The following SLC4A2 variants were observed in gnomAD, a reference collection of about 807,000 sequenced individuals.
SLC4A2 encodes the protein solute carrier family 4 member 2.
Under a neutral mutation model 115.0 loss-of-function variants are expected in SLC4A2, and 36 were observed. That is an observed-to-expected ratio of 0.31 (90% confidence interval 0.24 to 0.41). SLC4A2 has a LOEUF of 0.41. Ranked by LOEUF, SLC4A2 falls within the 10% of genes least tolerant of loss-of-function variation. SLC4A2 has a pLI of 1.00. For synonymous variants in SLC4A2, 708 were observed against 708.3 expected (o/e 1.00, Z 0.01); for missense variants, 1,252 against 1,705.6 (o/e 0.73, Z 4.68).
upstream of SLC4A2, chr7:151,058,668 T>C (rs1046458753): frequency 3.3e-5 from 5 of 152,244 alleles, no homozygotes; most frequent in African/African-American, 1.2e-4. Context: ...GACCCCAGTC[T>C]CCGGAACAGG....
chr7:151,067,706 G>A (rs34673220), intron 7 of SLC4A2, among the ~76,000 whole-genome samples, 168 bp from the exon 8 acceptor site: 177 of 152,320 alleles, frequency 1.2e-3, no homozygotes, highest in African/African-American at 4.0e-3. Context: ...TGGTTAGTCA[G>A]TTGTCCAGGG....
intron 2 of SLC4A2, among the ~76,000 whole-genome samples, chr7:151,063,360 C>A (rs899892411): frequency 1.3e-5 from 2 of 152,126 alleles, no homozygotes; most frequent in East Asian, 3.9e-4. Context: ...TTAGCTTGGG[C>A]GCCGCCAGAA....
At position 151,075,399 on chromosome 7, in the gene SLC4A2, C is replaced by T. The variant is rs17852577; in HGVS notation, c.3192C>T (p.His1064=). The change falls in exon 20 of 23, where the codon CAC becomes CAT. Residue 1064 remains histidine (H), a synonymous_variant. Coordinates refer to ENST00000413384, the MANE Select transcript of SLC4A2 (RefSeq NM_003040.4). ...LAAATVRSVT[H]ANALTVMSKA... ...CTGCCACTGTCCGCTCTGTCACTCA[C>T]GCCAACGCGCTCACTGTCATGAGCA... 79 of 1,609,800 alleles carry T rather than the reference C, an allele frequency of 4.9e-5. 1 individual carries two copies. The South Asian group carries it at 5.5e-4, about 11-fold the overall frequency.
chr7:151,076,373 ACCGAGGGACAG>A lies in SLC4A2; in HGVS notation c.*16_*26del, dbSNP rs761858664. The A allele has an allele frequency of 6.7e-5, 100 of 1,488,580 alleles. No homozygotes were observed. In the Middle Eastern group the frequency reaches 1.5e-3, roughly 22 times the overall value. 92.2% of individuals were successfully genotyped at this position (1,488,580 alleles called of 1,614,324 possible). A position where few individuals can be genotyped will look rare whatever the true frequency, so the allele number is the denominator to read the frequency against. On this transcript the variant is annotated 3_prime_UTR_variant, in exon 23 of 23. Transcript: ENST00000413384. ...AGATGCCCATGCCTGTGTAGCCGCC[ACCGAGGGACAG>A]CCGAGGGACCGATGGACGAGGGGAC...
rs1797398912 is a variant in SLC4A2, at chr7:151,070,560, T to C, written c.1553T>C (p.Val518Ala). Residue 518 changes from valine (V) to alanine (A), a missense_variant, in exon 11 of 23, where the codon GTG (valine) becomes GCG (alanine). Around this residue, in one of 14 missense-constraint regions of SLC4A2, gnomAD observed 87 missense variants for 170.3 expected, o/e 0.51. Coordinates refer to ENST00000413384, the MANE Select transcript of SLC4A2 (RefSeq NM_003040.4). ...EKIPENAEAT[V>A]VLVGCVEFLS... ...ATTCCTGAGAATGCCGAGGCCACGG[T>C]GGTCCTTGTGGGTATGTGGGGCAGG... 1 of 1,613,242 alleles carries C rather than the reference T, an allele frequency of 6.2e-7. No individual in the cohort carries two copies. Among genetic ancestry groups the C allele is most frequent in the Non-Finnish European group, 8.5e-7 (1 of 1,179,692 alleles).
chr7:151,075,912 CA>C (rs1358588960), intron 21 of SLC4A2, 100 bp from the exon 22 acceptor site: 49 of 1,440,300 alleles, frequency 3.4e-5, no homozygotes, highest in Non-Finnish European at 4.6e-5. Flanking sequence ...CCAGCTCTGG[CA>C]CCTAGGAATG....
In SLC4A2 at chr7:151,061,918, C is replaced by A. The variant is rs1044448402; in HGVS notation, c.-63-7C>A. The stretch of plus-strand genomic sequence containing the variant: ...CTCGATGGTGATCAGGCCTCTCCCC[C>A]ATCCAGGTTATGCCTCCGCCTCGTT... On this transcript the variant is annotated splice_polypyrimidine_tract_variant and splice_region_variant and intron_variant, in intron 1 of 22. Coordinates refer to ENST00000413384, the MANE Select transcript of SLC4A2 (RefSeq NM_003040.4). 1.4e-6 allele frequency: 2 copies of A among 1,422,386 alleles called. No individual in the cohort carries two copies. The highest frequency in any genetic ancestry group is 1.4e-5 in the African/African-American group (1 of 71,320). The allele number at this position is 1,422,386 out of a possible 1,614,324, so 88.1% of individuals were successfully genotyped here.
At chr7:151,067,786 G>T (rs1483546686) in intron 7 of SLC4A2, 88 bp from the exon 8 acceptor site, 3 of 1,143,540 alleles carry the variant, frequency 2.6e-6, no homozygotes, top group Non-Finnish European at 3.8e-6. Context: ...GGGTCACTTG[G>T]CTCCCTCTGA....
chr7:151,065,722 C>T lies in SLC4A2; in HGVS notation c.578+756C>T, dbSNP rs36125256. Among the ~76,000 whole-genome samples, 187 of 152,270 alleles carry T rather than the reference C, an allele frequency of 1.2e-3. 1 individual carries two copies. Among genetic ancestry groups the T allele is most frequent in the South Asian group, 6.4e-3 (31 of 4,824 alleles). ...CGGCGGGTTACAGCGGCCTTAGGGG[C>T]GCCAGGATGGCAGGGAGGAGGCTGG... On this transcript the variant is annotated intron_variant, in intron 5 of 22. Transcript: ENST00000413384.
chr7:151,075,086 C>A, intron 19 of SLC4A2, 169 bp from the exon 20 acceptor site: 2 of 1,063,462 alleles, frequency 1.9e-6, no homozygotes, highest in Non-Finnish European at 2.8e-6. Context: ...ACGATAAGGG[C>A]TGGGGGCCCA....
At chr7:151,068,138 G>A (rs751309276) in intron 8 of SLC4A2, 84 bp downstream of exon 8, 39 of 1,108,434 alleles carry the variant, frequency 3.5e-5, no homozygotes, top group South Asian at 1.6e-4. Context: ...TGAGCCCCAC[G>A]TTGTGTGACA....
intron 8 of SLC4A2, among the ~76,000 whole-genome samples, chr7:151,069,140 C>CAAAACAAAAA (rs1797338250): frequency 2.4e-5 from 1 of 40,950 alleles, no homozygotes; most frequent in African/African-American, 9.8e-5. Flanking sequence ...CTCTTATCAC[C>CAAAACAAAAA]AAAAAAAAAA....
chr7:151,065,601 C>T (rs748429001), intron 5 of SLC4A2, among the ~76,000 whole-genome samples: 89 of 152,302 alleles, frequency 5.8e-4, no homozygotes, highest in Non-Finnish European at 1.1e-3. Flanking sequence ...CTGTTGTTTT[C>T]TGGGTGCCAG....
At chr7:151,074,569 A>C (rs1438100656) in intron 18 of SLC4A2, 81 bp downstream of exon 18, 15 of 1,591,492 alleles carry the variant, frequency 9.4e-6, no homozygotes, top group Non-Finnish European at 1.2e-5. Flanking sequence ...CTCCAAACCC[A>C]GCCTGTCCTT....
At chr7:151,070,147 C>A in intron 9 of SLC4A2, 34 bp from the exon 10 acceptor site, 1 of 1,614,024 alleles carries the variant, frequency 6.2e-7, no homozygotes, top group Non-Finnish European at 8.5e-7. Context: ...TTGTCATTGA[C>A]CCTCCTTTGC....
rs182549949 is a variant in SLC4A2, at chr7:151,064,942, G to A, written c.554G>A (p.Arg185Gln). ...APLPHQEATP[R>Q]ASKGAQAGTQ... ...CTGCCCCACCAGGAGGCGACTCCTC[G>A]GGCCTCCAAAGGGGCCCAGGCTGGG... is the stretch of plus-strand genomic sequence containing the variant. Residue 185 changes from arginine (R) to glutamine (Q), a missense_variant, in exon 5 of 23, where the codon CGG becomes CAG. Around this residue, in one of 14 missense-constraint regions of SLC4A2, gnomAD observed 215 missense variants for 205.2 expected, o/e 1.05. Coordinates refer to ENST00000413384, the MANE Select transcript of SLC4A2 (RefSeq NM_003040.4). 1.7e-5 allele frequency: 28 copies of A among 1,613,486 alleles called. No homozygotes were observed. The African/African-American group carries it at 2.5e-4, about 15-fold the overall frequency.
intron 10 of SLC4A2, 21 bp downstream of exon 10, chr7:151,070,367 G>T (rs1797389851): frequency 6.2e-7 from 1 of 1,609,352 alleles, no homozygotes; most frequent in African/African-American, 1.3e-5. Flanking sequence ...AACCAGCCCT[G>T]CCTGGGCTGG....
rs966102725 is a variant in SLC4A2, at chr7:151,064,704, C to T, written c.396C>T (p.Ser132=). The change falls in exon 4 of 23, where the codon AGC becomes AGT. Residue 132 remains serine (S), a synonymous_variant. Transcript: ENST00000413384. ...GGGAGGAAGATGAGGATGAGGCCAG[C>T]GAGGCTGAGGGGGCCCGGGCTCTCA... The part of the protein sequence containing the change: ...EEGEEDEDEA[S]EAEGARALTQ... 1.1e-5 allele frequency: 17 copies of T among 1,613,220 alleles called. No homozygotes were observed. Among genetic ancestry groups the T allele is most frequent in the East Asian group, 2.2e-5 (1 of 44,874 alleles).
At chr7:151,075,113 G>A (rs774568939) in intron 19 of SLC4A2, 142 bp from the exon 20 acceptor site, 22 of 1,235,184 alleles carry the variant, frequency 1.8e-5, no homozygotes, top group African/African-American at 4.5e-5. Context: ...GCTCTGTAAC[G>A]GAATTTGAAT....
Sources: gnomAD v4.1 joint callset for allele counts (sites outside exome capture counted in the v4.1 genomes callset) on GRCh38, gnomAD v4.1.1 for gene constraint, gnomAD v4.1.1 regional missense constraint, MANE v1.5 for transcripts, NCBI Gene and HGNC (gene_info 2026-07-23, HGNC 2026-07-21) for gene names.